MICAL3: variants seen among roughly 807,000 people sequenced by gnomAD.
MICAL3 encodes the protein microtubule associated monooxygenase, calponin and LIM domain containing 3.
MICAL3 carries 62 observed loss-of-function variants against 207.4 expected under a neutral mutation model. The observed-to-expected ratio is 0.30, with a 90% CI of 0.24 to 0.37. The LOEUF is 0.37. Ranked by LOEUF, MICAL3 falls within the 10% of genes least tolerant of loss-of-function variation. The pLI, the probability that MICAL3 is intolerant of heterozygous loss-of-function variation, is 1.00. For missense variants in MICAL3, 2,368 were observed against 2,635.6 expected (o/e 0.90, Z 2.22); for synonymous variants, 1,077 against 1,069.3 (o/e 1.01, Z -0.14).
At chr22:17,865,485 A>C (rs1926995695) in intron 18 of MICAL3, among the ~76,000 whole-genome samples, 1 of 152,198 alleles carries the variant, frequency 6.6e-6, no homozygotes, top group Non-Finnish European at 1.5e-5. Context: ...CCCCGCAGGC[A>C]GGGCGCCCTT....
intron 16 of MICAL3, among the ~76,000 whole-genome samples, chr22:17,877,204 T>G: frequency 1.1e-5 from 1 of 92,192 alleles, no homozygotes; most frequent in Admixed American, 1.0e-4. Context: ...GTTAGGGAGG[T>G]TATGGAGGTT....
At chr22:17,985,994 G>A (rs996195415) in intron 1 of MICAL3, among the ~76,000 whole-genome samples, 1 of 152,068 alleles carries the variant, frequency 6.6e-6, no homozygotes, top group Non-Finnish European at 1.5e-5. Flanking sequence ...TGAAACCTCC[G>A]CCTCCTGGGT....
At chr22:17,927,599 C>T (rs865774877) in intron 1 of MICAL3, among the ~76,000 whole-genome samples, 9 of 152,248 alleles carry the variant, frequency 5.9e-5, no homozygotes, top group South Asian at 2.1e-4. Flanking sequence ...ACTCAGCCCC[C>T]GACATCTGCC....
intron 2 of MICAL3, among the ~76,000 whole-genome samples, chr22:17,905,774 C>T (rs1332296773): frequency 6.6e-6 from 1 of 152,182 alleles, no homozygotes; most frequent in Non-Finnish European, 1.5e-5. Context: ...TCTCCATATC[C>T]GCTTCCTCGC....
intron 27 of MICAL3, among the ~76,000 whole-genome samples, chr22:17,816,325 C>CTGCG (rs1569076831): frequency 6.6e-6 from 1 of 152,264 alleles, no homozygotes; most frequent in Non-Finnish European, 1.5e-5. Flanking sequence ...CAGCCCTGGA[C>CTGCG]TGCGCAGTGT....
intron 19 of MICAL3, among the ~76,000 whole-genome samples, chr22:17,856,040 T>C (rs1317865512): frequency 6.6e-6 from 1 of 152,246 alleles, no homozygotes; most frequent in African/African-American, 2.4e-5. Context: ...GCCTCCCTTA[T>C]GGCTGCTGTG....
intron 29 of MICAL3, among the ~76,000 whole-genome samples, chr22:17,802,727 T>C (rs1306109974): frequency 6.6e-6 from 1 of 152,102 alleles, no homozygotes; most frequent in East Asian, 1.9e-4. Context: ...CTTAAAGGAA[T>C]GGGGTCAGGG....
intron 19 of MICAL3, among the ~76,000 whole-genome samples, chr22:17,845,916 T>C (rs1179143885): frequency 6.6e-6 from 1 of 152,236 alleles, no homozygotes; most frequent in African/African-American, 2.4e-5. Context: ...CCCACTGTTA[T>C]TGCCCTGGAG....
intron 1 of MICAL3, among the ~76,000 whole-genome samples, chr22:17,990,688 C>T (rs1359493166): frequency 3.3e-5 from 5 of 152,136 alleles, no homozygotes; most frequent in Admixed American, 6.5e-5. Context: ...CACCATTTAC[C>T]GGGTGAGAGA....
intron 13 of MICAL3, 45 bp from the exon 14 acceptor site, chr22:17,887,480 G>A (rs139090915): frequency 1.7e-5 from 24 of 1,402,652 alleles, no homozygotes; most frequent in African/African-American, 1.1e-4. Context: ...CCTTGAGGGC[G>A]CCGCAAAATC....
In MICAL3 at chr22:17,797,207, G is replaced by T. The variant is rs571864584; in HGVS notation, c.5651-5906C>A. 1.1e-4 allele frequency among the ~76,000 whole-genome samples: 16 copies of T among 152,294 alleles called. No individual in the cohort carries two copies. The East Asian group carries it at 3.1e-3, about 29-fold the overall frequency. On this transcript the variant is annotated intron_variant, in intron 29 of 31. Coordinates refer to ENST00000441493, the MANE Select transcript of MICAL3 (RefSeq NM_015241.3). ...CTTGCTCACAAGGATTAGTGAGGAT[G>T]CGGTCAGAAAGCTCGGAGGTACGGG...
chr22:17,791,856 C>T (rs982530813), intron 29 of MICAL3, among the ~76,000 whole-genome samples: 1 of 152,248 alleles, frequency 6.6e-6, no homozygotes, highest in Admixed American at 6.5e-5. Flanking sequence ...TAACTTGTGG[C>T]CTATCAAGCT....
intron 16 of MICAL3, chr22:17,876,788 GGTTAGGGAAGTTAT>G (rs1928460953): frequency 1.5e-5 from 2 of 136,824 alleles, no homozygotes; most frequent in East Asian, 2.1e-4. Flanking sequence ...AGGTTAGGGA[GGTTAGGGAAGTTAT>G]GGAGGTTAGG....
intron 1 of MICAL3, among the ~76,000 whole-genome samples, chr22:17,970,111 C>T (rs1393765102): frequency 6.6e-6 from 1 of 152,178 alleles, no homozygotes; most frequent in Non-Finnish European, 1.5e-5. Flanking sequence ...TGCCACTGTC[C>T]CCAGAGAAGT....
chr22:17,807,603 C>T (rs1242506822), intron 29 of MICAL3, among the ~76,000 whole-genome samples: 1 of 152,210 alleles, frequency 6.6e-6, no homozygotes, highest in African/African-American at 2.4e-5. Context: ...CTGAGTAGCC[C>T]TATAAGCTGC....
intron 1 of MICAL3, among the ~76,000 whole-genome samples, chr22:17,946,169 G>C (rs1444245408): frequency 2.0e-5 from 3 of 152,172 alleles, no homozygotes; most frequent in Non-Finnish European, 2.9e-5. Flanking sequence ...ACAGAGACAG[G>C]ATGCTCTTGA....
At chr22:17,857,900 T>G (rs938510833) in intron 19 of MICAL3, among the ~76,000 whole-genome samples, 10 of 152,250 alleles carry the variant, frequency 6.6e-5, no homozygotes, top group African/African-American at 2.4e-4. Flanking sequence ...AAGGTTGGGC[T>G]TAGCTAGCCT....
At position 18,011,807 on chromosome 22, in the gene MICAL3, G is replaced by A. The variant is rs1436420480; in HGVS notation, c.-75+12474C>T. On this transcript the variant is annotated intron_variant, in intron 1 of 31. Coordinates refer to ENST00000441493, the MANE Select transcript of MICAL3 (RefSeq NM_015241.3). ...CTTGGGAGGCTGAGGCAGGAGAATG[G>A]CGTGAACCTGGGAGGTGGAGCTTGC... Among the ~76,000 whole-genome samples, 5 of 150,730 alleles carry A rather than the reference G, an allele frequency of 3.3e-5. No individual in the cohort carries two copies. The East Asian group carries it at 5.8e-4, about 18-fold the overall frequency.
At position 17,902,680 on chromosome 22, in the gene MICAL3, A is replaced by G. The variant is rs1284791006; in HGVS notation, c.540T>C (p.Asn180=). ...ALILGIEIHV[N]VEFQGLIQPP... The stretch of plus-strand genomic sequence containing the variant: ...GCTGTATAAGTCCTTGGAATTCCAC[A>G]TTGACGTGGATTTCAATGCCTAGGA... The change falls in exon 4 of 32, where the codon AAT becomes AAC. Residue 180 remains asparagine (N), a synonymous_variant. Transcript: ENST00000441493. This position sits in a 1 kb window ranked among gnomAD's most constrained non-coding sequence, Gnocchi z 4.5. The G allele has an allele frequency of 6.2e-7, 1 of 1,607,704 alleles. No homozygotes were observed. Among genetic ancestry groups the G allele is most frequent in the Non-Finnish European group, 8.5e-7 (1 of 1,176,638 alleles).
Sources: allele counts gnomAD v4.1 joint callset (sites outside exome capture counted in the v4.1 genomes callset), GRCh38; gene constraint gnomAD v4.1.1; non-coding constraint Gnocchi (gnomAD v3.1); transcripts MANE v1.5; gene names NCBI Gene and HGNC (gene_info 2026-07-23, HGNC 2026-07-21).